UBE2F: variants seen among roughly 807,000 people sequenced by gnomAD.
UBE2F encodes the protein ubiquitin conjugating enzyme E2 F (putative), also known as NEDD8-conjugating enzyme UBE2F.
In UBE2F, 5 loss-of-function variants were observed where a neutral mutation model predicts 29.6. That is an observed-to-expected ratio of 0.17 (90% confidence interval 0.09 to 0.36). The LOEUF (loss-of-function observed/expected upper bound fraction) is 0.36. Ranked by LOEUF, UBE2F falls within the 10% of genes least tolerant of loss-of-function variation. The pLI, the probability that UBE2F is intolerant of heterozygous loss-of-function variation, is 1.00. For synonymous variants in UBE2F, 66 were observed against 81.8 expected, an observed-to-expected ratio of 0.81 and a Z score of 1.04; for missense variants, 141 against 228.5, an observed-to-expected ratio of 0.62 and a Z score of 2.47.
Position 237,973,357 on chromosome 2 carries a change from C to T in UBE2F, c.118+132C>T, listed in dbSNP as rs941033874. 3 of 1,025,762 alleles carry T rather than the reference C, an allele frequency of 2.9e-6. No homozygotes were observed. The African/African-American group carries it at 4.9e-5, about 17-fold the overall frequency. 63.5% of individuals were successfully genotyped at this position (1,025,762 alleles called of 1,614,324 possible). On this transcript the variant is annotated intron_variant, in intron 2 of 9. Transcript: ENST00000272930. ...TTTAAAAGATTTTAAAATATAATTG[C>T]TTATCTCTTATAGTGAAGGACATTG...
At chr2:238,025,510 A>G in intron 6 of UBE2F, 98 bp downstream of exon 6, 1 of 1,131,440 alleles carries the variant, frequency 8.8e-7, no homozygotes. Context: ...ATTTTGAGGC[A>G]TGGCCAAGAT....
chr2:237,970,561 T>C (rs2063154845), intron 1 of UBE2F, among the ~76,000 whole-genome samples: 1 of 152,172 alleles, frequency 6.6e-6, no homozygotes, highest in Admixed American at 6.5e-5. Context: ...TGAGAGCTTA[T>C]GACCGTGAAA....
intron 2 of UBE2F, among the ~76,000 whole-genome samples, chr2:237,984,140 A>C (rs917237324): frequency 2.7e-5 from 4 of 150,788 alleles, no homozygotes; most frequent in Non-Finnish European, 5.9e-5. Flanking sequence ...ATCCCAGCAC[A>C]TCACCTCTGG....
intron 2 of UBE2F, chr2:237,986,137 C>A: frequency 3.3e-6 from 1 of 307,582 alleles, no homozygotes; most frequent in Non-Finnish European, 5.9e-6. Context: ...ACTACCTTTT[C>A]TTTTCTTTTT....
intron 7 of UBE2F, 81 bp downstream of exon 7, chr2:238,030,694 C>T: frequency 9.4e-7 from 1 of 1,059,420 alleles, no homozygotes. Context: ...GAGAAAGCAG[C>T]ACATGTCCTT....
chr2:238,030,723 A>G, intron 7 of UBE2F, 110 bp downstream of exon 7: 1 of 803,866 alleles, frequency 1.2e-6, no homozygotes, highest in East Asian at 2.7e-5. Flanking sequence ...CATCCACACC[A>G]GTGGCCGGAC....
intron 4 of UBE2F, among the ~76,000 whole-genome samples, chr2:237,995,226 G>A (rs1475616878): frequency 6.6e-6 from 1 of 152,212 alleles, no homozygotes; most frequent in Non-Finnish European, 1.5e-5. Flanking sequence ...GGACAGTTGT[G>A]GGGATTAAAC....
At chr2:238,026,743 C>T (rs527646215) in intron 6 of UBE2F, among the ~76,000 whole-genome samples, 4 of 152,118 alleles carry the variant, frequency 2.6e-5, no homozygotes, top group Non-Finnish European at 5.9e-5. Flanking sequence ...GGATGCCTTT[C>T]TCTTCACAAG....
At chr2:238,016,461 T>C (rs1440206565) in intron 4 of UBE2F, 105 bp from the exon 5 acceptor site, 1 of 965,982 alleles carries the variant, frequency 1.0e-6, no homozygotes, top group African/African-American at 1.7e-5. Context: ...GTTTTTAAAC[T>C]CCTGATTCTC....
intron 5 of UBE2F, among the ~76,000 whole-genome samples, chr2:238,019,467 A>G (rs1304066520): frequency 6.6e-6 from 1 of 151,818 alleles, no homozygotes; most frequent in Non-Finnish European, 1.5e-5. Context: ...TGCGGGTTCA[A>G]GTGATTGTCC....
At chr2:238,026,329 C>T (rs2064428167) in intron 6 of UBE2F, among the ~76,000 whole-genome samples, 1 of 152,224 alleles carries the variant, frequency 6.6e-6, no homozygotes, top group Non-Finnish European at 1.5e-5. Context: ...TTCTCATGCT[C>T]AACTTCCGTA....
At chr2:237,993,448 C>A (rs1444237815) in intron 3 of UBE2F, among the ~76,000 whole-genome samples, 1 of 152,170 alleles carries the variant, frequency 6.6e-6, no homozygotes, top group Non-Finnish European at 1.5e-5. Context: ...TGTGGTGGCC[C>A]ATGCCTGTAA....
intron 5 of UBE2F, among the ~76,000 whole-genome samples, chr2:238,017,667 C>G (rs770498650): frequency 2.6e-5 from 4 of 152,166 alleles, no homozygotes; most frequent in African/African-American, 7.2e-5. Context: ...ACAGGCAGTT[C>G]AGCATGCTTG....
At chr2:237,986,423 G>A (rs2063483903) in intron 2 of UBE2F, 1 of 153,600 alleles carries the variant, frequency 6.5e-6, no homozygotes, top group South Asian at 2.0e-4. Flanking sequence ...CAAAGTATTG[G>A]GATTACAGGC....
At position 238,042,510 on chromosome 2, in the gene UBE2F, C is replaced by T. The variant is rs1309718472; in HGVS notation, c.*1172C>T. The T allele has an allele frequency of 6.6e-6, 1 of 152,246 alleles. No homozygotes were observed. Among genetic ancestry groups the T allele is most frequent in the Non-Finnish European group, 1.5e-5 (1 of 68,062 alleles). The allele number at this position is 152,246 out of a possible 1,614,324, so 9.4% of individuals were successfully genotyped here. ...GTTAATATACTGCAGAGGAAAAGCC[C>T]TGAAGAGAGGCAAGTGGATTTACTC... On this transcript the variant is annotated 3_prime_UTR_variant, in exon 10 of 10. Coordinates refer to ENST00000272930, the MANE Select transcript of UBE2F (RefSeq NM_080678.3).
At chr2:238,027,210 T>G (rs970015031) in intron 6 of UBE2F, among the ~76,000 whole-genome samples, 2 of 152,210 alleles carry the variant, frequency 1.3e-5, no homozygotes, top group African/African-American at 4.8e-5. Context: ...TTTGACCATG[T>G]AAAAATTAAA....
chr2:238,029,568 C>A (rs1415692304), intron 6 of UBE2F, among the ~76,000 whole-genome samples: 7 of 147,206 alleles, frequency 4.8e-5, no homozygotes, highest in African/African-American at 1.8e-4. Context: ...TGCACTCCAG[C>A]CTGGGAGACA....
intron 4 of UBE2F, among the ~76,000 whole-genome samples, chr2:238,010,449 G>A (rs924781644): frequency 2.0e-5 from 3 of 152,250 alleles, no homozygotes; most frequent in Non-Finnish European, 1.5e-5. Context: ...GGGATTACAG[G>A]CGTGAGCCAC....
chr2:237,991,506 CA>C (rs1314997204), intron 3 of UBE2F, among the ~76,000 whole-genome samples: 40 of 148,658 alleles, frequency 2.7e-4, no homozygotes, highest in Non-Finnish European at 5.8e-4. Flanking sequence ...TGCATGCCTA[CA>C]TGTAGATAAA....
Sources: allele counts gnomAD v4.1 joint callset (sites outside exome capture counted in the v4.1 genomes callset), GRCh38; gene constraint gnomAD v4.1.1; transcripts MANE v1.5; gene names NCBI Gene and HGNC (gene_info 2026-07-23, HGNC 2026-07-21).